The following SGCD variants were observed in gnomAD, a reference collection of about 807,000 sequenced individuals.
The protein encoded by SGCD is sarcoglycan delta, also known as delta-sarcoglycan.
In SGCD, 18 loss-of-function variants were observed where a neutral mutation model predicts 36.6. The ratio of observed to expected loss-of-function variants is 0.49; its 90% CI spans 0.34 to 0.73. The LOEUF (loss-of-function observed/expected upper bound fraction) is 0.73, where lower values mean the gene tolerates loss of function less well. Among genes scored for constraint, SGCD ranks in the 30% least tolerant of loss-of-function variants. The pLI is 0.01. For missense variants in SGCD, 387 were observed against 346.7 expected (o/e 1.12, Z -0.92); for synonymous variants, 133 against 130.6 (o/e 1.02, Z -0.12).
intron 1 of SGCD, among the ~76,000 whole-genome samples, chr5:155,974,363 G>A (rs1278288186): frequency 6.6e-6 from 1 of 152,056 alleles, no homozygotes; most frequent in African/African-American, 2.4e-5. Flanking sequence ...GGCTGGTTCT[G>A]TTGTATCCCA....
intron 1 of SGCD, among the ~76,000 whole-genome samples, chr5:155,958,686 C>A (rs982678804): frequency 6.6e-6 from 1 of 152,112 alleles, no homozygotes; most frequent in Non-Finnish European, 1.5e-5. Context: ...CTAGTTTAAC[C>A]ATTTAACTAG....
chr5:155,935,712 C>CTTGGGG (rs1349037088), intron 1 of SGCD, among the ~76,000 whole-genome samples: 11 of 152,294 alleles, frequency 7.2e-5, no homozygotes, highest in African/African-American at 2.4e-4. Context: ...TTACAGGAGC[C>CTTGGGG]TTGGGGTGTT....
At chr5:156,646,925 A>T (rs1218460906) in intron 6 of SGCD, among the ~76,000 whole-genome samples, 1 of 152,192 alleles carries the variant, frequency 6.6e-6, no homozygotes, top group African/African-American at 2.4e-5. Flanking sequence ...TGAACTTCAA[A>T]TGATCTCTTA....
intron 4 of SGCD, among the ~76,000 whole-genome samples, chr5:156,533,712 A>G (rs1375807142): frequency 2.0e-5 from 3 of 152,204 alleles, no homozygotes; most frequent in Non-Finnish European, 4.4e-5. Flanking sequence ...AGAGATGTTA[A>G]TTTATTATAT....
intron 3 of SGCD, among the ~76,000 whole-genome samples, chr5:156,423,082 A>G (rs760892141): frequency 4.2e-5 from 6 of 143,280 alleles, no homozygotes; most frequent in Non-Finnish European, 9.1e-5. Flanking sequence ...TATAAGCTCC[A>G]TTTCACGAGG....
chr5:156,306,024 G>A (rs753006322), intron 3 of SGCD, among the ~76,000 whole-genome samples: 4 of 152,182 alleles, frequency 2.6e-5, no homozygotes, highest in African/African-American at 4.8e-5. Flanking sequence ...TTAGGCACAA[G>A]GGACTTGCCT....
chr5:156,736,800 T>C (rs1756391929), intron 7 of SGCD, among the ~76,000 whole-genome samples: 1 of 152,172 alleles, frequency 6.6e-6, no homozygotes, highest in South Asian at 2.1e-4. Context: ...TAGTGATTAT[T>C]ATTATTGAAT....
chr5:155,817,029 A>G, the SGCD span, among the ~76,000 whole-genome samples: 1 of 152,190 alleles, frequency 6.6e-6, no homozygotes, highest in South Asian at 2.1e-4. Context: ...CATAGTATAT[A>G]CAGCATTTTG....
At chr5:155,983,538 G>A (rs1758270678) in intron 1 of SGCD, among the ~76,000 whole-genome samples, 2 of 152,150 alleles carry the variant, frequency 1.3e-5, no homozygotes, top group South Asian at 2.1e-4. Context: ...GACCTCAGAT[G>A]ATCTGCCTGC....
At chr5:155,954,317 T>G (rs562546720) in intron 1 of SGCD, among the ~76,000 whole-genome samples, 4 of 152,192 alleles carry the variant, frequency 2.6e-5, no homozygotes, top group Non-Finnish European at 5.9e-5. Flanking sequence ...TCTTAGGTCA[T>G]AAATTCGCTT....
intron 7 of SGCD, among the ~76,000 whole-genome samples, chr5:156,677,849 T>C (rs993880137): frequency 6.6e-6 from 1 of 152,174 alleles, no homozygotes; most frequent in Non-Finnish European, 1.5e-5. Flanking sequence ...TTCTATTGCA[T>C]TCATTTAGGA....
At chr5:156,699,853 G>A (rs928028796) in intron 7 of SGCD, among the ~76,000 whole-genome samples, 1 of 152,108 alleles carries the variant, frequency 6.6e-6, no homozygotes, top group Non-Finnish European at 1.5e-5. Context: ...TGGGTGCAGG[G>A]GACAAACCCT....
chr5:156,261,119 A>C (rs1301371338), intron 3 of SGCD, among the ~76,000 whole-genome samples: 2 of 152,096 alleles, frequency 1.3e-5, no homozygotes, highest in Non-Finnish European at 2.9e-5. Context: ...TCTTTTCTTT[A>C]ATCTTTTGTA....
the SGCD span, among the ~76,000 whole-genome samples, chr5:155,780,452 G>A: frequency 6.6e-6 from 1 of 152,024 alleles, no homozygotes; most frequent in Non-Finnish European, 1.5e-5. Flanking sequence ...TATCTTAATT[G>A]GCTCTATTTG....
intron 3 of SGCD, among the ~76,000 whole-genome samples, chr5:156,244,669 G>T (rs916939750): frequency 2.6e-5 from 4 of 152,176 alleles, no homozygotes; most frequent in African/African-American, 9.7e-5. Context: ...TGAACAAAAA[G>T]TTTAAAAGCC....
At position 156,089,466 on chromosome 5, in the gene SGCD, A is replaced by G. The variant is rs146832138; in HGVS notation, c.-281-28412A>G. On this transcript the variant is annotated intron_variant, in intron 1 of 9. Coordinates refer to the SGCD transcript ENST00000517913. ...AAAGGAAGAGCCGTTGTCATTTTGT[A>G]TAGTGAATGGGTGTCCAAACCTGGA... 1.6e-4 allele frequency among the ~76,000 whole-genome samples: 25 copies of G among 152,346 alleles called. No homozygotes were observed. The East Asian group carries it at 2.5e-3, about 15-fold the overall frequency.
chr5:156,363,935 G>A (rs563739718), intron 3 of SGCD, among the ~76,000 whole-genome samples: 2 of 152,236 alleles, frequency 1.3e-5, no homozygotes, highest in South Asian at 2.1e-4. Flanking sequence ...TGGCCTGACG[G>A]GAGTCACATG....
chr5:156,217,063 G>A (rs764944911), intron 3 of SGCD, among the ~76,000 whole-genome samples: 2 of 152,110 alleles, frequency 1.3e-5, no homozygotes, highest in Non-Finnish European at 2.9e-5. Flanking sequence ...GGGGGACAGA[G>A]TGAGACTCCA....
At chr5:156,594,754 G>T (rs1760855816) in intron 5 of SGCD, among the ~76,000 whole-genome samples, 178 bp from the exon 6 acceptor site, 1 of 152,214 alleles carries the variant, frequency 6.6e-6, no homozygotes, top group African/African-American at 2.4e-5. Context: ...TCATGAGACT[G>T]ATTTTCATGG....
Sources: allele counts gnomAD v4.1 joint callset (sites outside exome capture counted in the v4.1 genomes callset), GRCh38; gene constraint gnomAD v4.1.1; transcripts MANE v1.5; gene names NCBI Gene and HGNC (gene_info 2026-07-23, HGNC 2026-07-21).